ZP3: variants seen among roughly 807,000 people sequenced by gnomAD.
The protein encoded by ZP3 is zona pellucida glycoprotein 3, also known as zona pellucida sperm-binding protein 3.
Under a neutral mutation model 35.6 loss-of-function variants are expected in ZP3, and 21 were observed. The ratio of observed to expected loss-of-function variants is 0.59; its 90% CI spans 0.42 to 0.85. The LOEUF is 0.85. Ranked by LOEUF, ZP3 falls within the 40% of genes least tolerant of loss-of-function variation. The pLI is 0.00. For synonymous variants in ZP3, 207 were observed against 214.5 expected, an observed-to-expected ratio of 0.96 and a Z score of 0.31; for missense variants, 437 against 536.5, an observed-to-expected ratio of 0.81 and a Z score of 1.83.
At chr7:76,436,831 T>G (rs1267707289) in intron 5 of ZP3, among the ~76,000 whole-genome samples, 2 of 152,198 alleles carry the variant, frequency 1.3e-5, no homozygotes, top group Non-Finnish European at 2.9e-5. Flanking sequence ...TTCACAGAGG[T>G]GGTAGCGGTC....
chr7:76,397,787 C>A (rs1452542195), exon 1 of ZP3: 1 of 1,606,934 alleles, frequency 6.2e-7, no homozygotes, highest in Non-Finnish European at 8.5e-7. Context: ...CTCCACTCGG[C>A]CCTGACACAG....
In ZP3 at chr7:76,415,364, C is replaced by CA. The variant is rs528001072; in HGVS notation, c.-66-9673dup. 2.3e-3 allele frequency among the ~76,000 whole-genome samples: 144 copies of CA among 63,456 alleles called. 6 individuals are homozygous for CA. Among genetic ancestry groups the CA allele is most frequent in the South Asian group, 0.014 (20 of 1,460 alleles). The allele number at this position is 63,456 out of a possible 152,430, so 41.6% of individuals were successfully genotyped here. On this transcript the variant is annotated intron_variant, in intron 1 of 8. Transcript: ENST00000336517. ...CTGGCGATAGAGTGAGACTCCGTCT[C>CA]AAAAAAAAAAAAAAAGGTCTGGAAT...
chr7:76,421,312 G>A (rs573805489), upstream of ZP3, among the ~76,000 whole-genome samples: 19 of 151,892 alleles, frequency 1.3e-4, no homozygotes, highest in African/African-American at 4.3e-4. Context: ...ACTCACTGAA[G>A]CTTAGAACTC....
intron 5 of ZP3, among the ~76,000 whole-genome samples, chr7:76,439,125 C>T (rs1806114386): frequency 8.7e-6 from 1 of 114,698 alleles, no homozygotes; most frequent in East Asian, 2.8e-4. Flanking sequence ...CAGCAAGACT[C>T]CACCTCAAAA....
At chr7:76,409,480 T>C (rs1805174383) in intron 1 of ZP3, 1 of 152,276 alleles carries the variant, frequency 6.6e-6, no homozygotes, top group Non-Finnish European at 1.5e-5. Flanking sequence ...AATCACTTTG[T>C]CTGCCCCTGG....
intron 5 of ZP3, among the ~76,000 whole-genome samples, chr7:76,436,830 G>A (rs1185212962): frequency 6.6e-6 from 1 of 152,254 alleles, no homozygotes; most frequent in Non-Finnish European, 1.5e-5. Context: ...TTTCACAGAG[G>A]TGGTAGCGGT....
chr7:76,408,504 G>GC (rs1343229122), intron 1 of ZP3, among the ~76,000 whole-genome samples: 3 of 152,004 alleles, frequency 2.0e-5, no homozygotes, highest in South Asian at 2.1e-4. Context: ...TGGGATACTG[G>GC]CCCCCCAGGC....
At chr7:76,430,893 T>C (rs887049) in intron 2 of ZP3, among the ~76,000 whole-genome samples, 82,091 of 152,066 alleles carry the variant, frequency 0.54, 22,825 homozygotes, top group African/African-American at 0.65. Context: ...GGCAGAGCCA[T>C]GTGGCCACAC....
chr7:76,419,176 A>G (rs1805447339), intron 1 of ZP3, among the ~76,000 whole-genome samples: 1 of 152,142 alleles, frequency 6.6e-6, no homozygotes, highest in African/African-American at 2.4e-5. Flanking sequence ...TTTGGTCATT[A>G]TTTATGAAAG....
intron 4 of ZP3, 104 bp downstream of exon 4, chr7:76,433,751 TAC>T (rs1805909313): frequency 7.7e-7 from 1 of 1,297,598 alleles, no homozygotes; most frequent in Admixed American, 2.2e-5. Flanking sequence ...CAGGCTGGAA[TAC>T]AGAGGCTTGA....
chr7:76,440,173 G>T, intron 5 of ZP3, 77 bp from the exon 6 acceptor site: 22 of 1,489,216 alleles, frequency 1.5e-5, no homozygotes, highest in East Asian at 4.8e-5. Flanking sequence ...AGGGTTGAGG[G>T]TTATAAGAGA....
At chr7:76,432,819 C>T in intron 2 of ZP3, 108 bp from the exon 3 acceptor site, 7 of 894,026 alleles carry the variant, frequency 7.8e-6, no homozygotes. Flanking sequence ...CTGGCTGGGC[C>T]ATAGCTGAGG....
chr7:76,418,923 AATGT>A (rs1805443267), intron 1 of ZP3, among the ~76,000 whole-genome samples: 1 of 152,164 alleles, frequency 6.6e-6, no homozygotes, highest in Non-Finnish European at 1.5e-5. Context: ...TAGCTCCCCC[AATGT>A]ACACATTGGG....
intron 1 of ZP3, among the ~76,000 whole-genome samples, chr7:76,418,105 A>AT (rs923787222): frequency 1.3e-5 from 2 of 150,710 alleles, no homozygotes; most frequent in Admixed American, 6.6e-5. Context: ...CACCTGGCTA[A>AT]TTTTTTGTGT....
chr7:76,431,021 C>T (rs1049439874), intron 2 of ZP3, among the ~76,000 whole-genome samples: 2 of 152,164 alleles, frequency 1.3e-5, no homozygotes, highest in South Asian at 2.1e-4. Context: ...CCACAGGTGC[C>T]CCTCCTGGAA....
intron 5 of ZP3, 186 bp from the exon 6 acceptor site, chr7:76,440,064 C>T: frequency 1.0e-6 from 1 of 986,960 alleles, no homozygotes; most frequent in Non-Finnish European, 1.5e-6. Context: ...CCAGGTTGGT[C>T]TCGAACTCCT....
At chr7:76,439,403 T>C (rs1453978859) in intron 5 of ZP3, among the ~76,000 whole-genome samples, 1 of 151,988 alleles carries the variant, frequency 6.6e-6, no homozygotes. Flanking sequence ...GGTTTAGCAA[T>C]GCTGAGTTAA....
intron 7 of ZP3, among the ~76,000 whole-genome samples, chr7:76,441,379 T>C (rs1806194776): frequency 6.6e-6 from 1 of 150,968 alleles, no homozygotes; most frequent in Non-Finnish European, 1.5e-5. Context: ...AGCTGTCTTT[T>C]TCTTTTTTCT....
At chr7:76,402,210 T>C (rs1466136416) in intron 1 of ZP3, among the ~76,000 whole-genome samples, 2 of 138,632 alleles carry the variant, frequency 1.4e-5, no homozygotes, top group Non-Finnish European at 3.1e-5. Context: ...TGAGACAGAG[T>C]CTTACTCCAT....
Sources: allele counts gnomAD v4.1 joint callset (sites outside exome capture counted in the v4.1 genomes callset), GRCh38; gene constraint gnomAD v4.1.1; transcripts MANE v1.5; gene names NCBI Gene and HGNC (gene_info 2026-07-23, HGNC 2026-07-21).